The following CADM2 variants were observed in gnomAD, a reference collection of about 807,000 sequenced individuals.
CADM2 encodes the protein immunoglobulin superfamily member 4D.
CADM2 carries 12 observed loss-of-function variants against 49.8 expected under a neutral mutation model. The ratio of observed to expected loss-of-function variants is 0.24; its 90% CI spans 0.15 to 0.39. The LOEUF is 0.39. CADM2 is among the 10% of genes least tolerant of loss of function. The pLI is 1.00. For synonymous variants in CADM2, 214 were observed against 175.4 expected (o/e 1.22, Z -1.74); for missense variants, 378 against 492.3 (o/e 0.77, Z 2.20).
intron 1 of CADM2, among the ~76,000 whole-genome samples, chr3:84,980,203 G>C (rs1269135736): frequency 2.0e-5 from 3 of 152,166 alleles, no homozygotes; most frequent in Non-Finnish European, 1.5e-5. Flanking sequence ...GCCTGGCTTA[G>C]CTGCCAACAC....
At chr3:85,098,593 T>C (rs935955375) in intron 1 of CADM2, among the ~76,000 whole-genome samples, 1 of 152,138 alleles carries the variant, frequency 6.6e-6, no homozygotes, top group African/African-American at 2.4e-5. Context: ...TCTAGTTTTA[T>C]AAAAATTCTG....
At chr3:85,343,795 TCA>T (rs1374168941) in intron 1 of CADM2, among the ~76,000 whole-genome samples, 4 of 152,216 alleles carry the variant, frequency 2.6e-5, no homozygotes, top group Non-Finnish European at 5.9e-5. Context: ...AGCCGAACTT[TCA>T]CAGTGTTCTT....
At chr3:85,110,633 T>C (rs72905235) in intron 1 of CADM2, among the ~76,000 whole-genome samples, 3,338 of 151,994 alleles carry the variant, frequency 0.022, 117 homozygotes, top group African/African-American at 0.075. Flanking sequence ...AAAATAAAGA[T>C]ATATTTAAGG....
At chr3:85,559,928 C>A (rs2062051142) in intron 1 of CADM2, among the ~76,000 whole-genome samples, 1 of 152,040 alleles carries the variant, frequency 6.6e-6, no homozygotes, top group Admixed American at 6.6e-5. Context: ...TTGCTCTAAA[C>A]ACCTTTTAAT....
At chr3:85,902,835 G>A (rs1183944084) in intron 5 of CADM2, among the ~76,000 whole-genome samples, 2 of 151,490 alleles carry the variant, frequency 1.3e-5, no homozygotes, top group African/African-American at 2.4e-5. Context: ...CAATATAGCT[G>A]TTTGCTCTTT....
chr3:85,347,114 T>C (rs945883252), intron 1 of CADM2, among the ~76,000 whole-genome samples: 3 of 149,066 alleles, frequency 2.0e-5, no homozygotes, highest in African/African-American at 7.4e-5. Flanking sequence ...TCCGAGCTAC[T>C]CTGGAGGCTG....
At chr3:85,676,735 T>C (rs1414184364) in intron 1 of CADM2, among the ~76,000 whole-genome samples, 1 of 152,172 alleles carries the variant, frequency 6.6e-6, no homozygotes, top group African/African-American at 2.4e-5. Flanking sequence ...CTTTCCACCA[T>C]GTAAATACTG....
intron 1 of CADM2, among the ~76,000 whole-genome samples, chr3:85,100,928 T>A (rs2107544309): frequency 6.6e-6 from 1 of 152,188 alleles, no homozygotes; most frequent in African/African-American, 2.4e-5. Flanking sequence ...CTGCTGAACA[T>A]TAGGAAAAAT....
intron 1 of CADM2, among the ~76,000 whole-genome samples, chr3:85,058,951 T>C (rs1013509434): frequency 7.3e-5 from 11 of 151,626 alleles, no homozygotes; most frequent in Admixed American, 5.9e-4. Flanking sequence ...ACTAAAAATA[T>C]ATAGTATTCT....
chr3:85,139,831 T>G (rs945056897), intron 1 of CADM2, among the ~76,000 whole-genome samples: 1 of 152,142 alleles, frequency 6.6e-6, no homozygotes, highest in Non-Finnish European at 1.5e-5. Flanking sequence ...GGTAATTACA[T>G]TTACTACTTA....
intron 5 of CADM2, among the ~76,000 whole-genome samples, chr3:85,901,555 A>G (rs768479224): frequency 2.5e-4 from 38 of 152,148 alleles, no homozygotes; most frequent in Non-Finnish European, 5.0e-4. Flanking sequence ...TTTCTCTTCA[A>G]TCAGTAACTC....
intron 2 of CADM2, among the ~76,000 whole-genome samples, chr3:85,735,782 G>A (rs369449242): frequency 9.2e-5 from 14 of 152,056 alleles, no homozygotes; most frequent in Admixed American, 8.5e-4. Flanking sequence ...AAAACTGGAA[G>A]GACAAAGTTA....
chr3:85,068,296 C>A (rs1265662958), intron 1 of CADM2, among the ~76,000 whole-genome samples: 1 of 152,076 alleles, frequency 6.6e-6, no homozygotes, highest in African/African-American at 2.4e-5. Flanking sequence ...ATTTATCCAT[C>A]ATTTCCTCAA....
At chr3:85,507,282 T>A (rs1008671095) in intron 1 of CADM2, among the ~76,000 whole-genome samples, 1 of 150,072 alleles carries the variant, frequency 6.7e-6, no homozygotes, top group Non-Finnish European at 1.5e-5. Context: ...CTCCCTCCCA[T>A]GTTCAAACGA....
intron 1 of CADM2, among the ~76,000 whole-genome samples, chr3:85,088,877 C>T (rs2037485538): frequency 6.6e-6 from 1 of 152,040 alleles, no homozygotes; most frequent in Non-Finnish European, 1.5e-5. Context: ...TACATCGATG[C>T]TCTCAGCTGA....
At chr3:85,917,093 A>G (rs1718449283) in intron 6 of CADM2, among the ~76,000 whole-genome samples, 1 of 152,070 alleles carries the variant, frequency 6.6e-6, no homozygotes, top group African/African-American at 2.4e-5. Context: ...GTAGGCTGCA[A>G]AAATTTTCTT....
At chr3:85,827,656 A>G (rs2073983415) in intron 3 of CADM2, among the ~76,000 whole-genome samples, 1 of 152,012 alleles carries the variant, frequency 6.6e-6, no homozygotes, top group African/African-American at 2.4e-5. Flanking sequence ...CTGATTAGAA[A>G]AGTTCATGAG....
At chr3:85,898,084 C>G (rs1411314385) in intron 5 of CADM2, among the ~76,000 whole-genome samples, 1 of 152,032 alleles carries the variant, frequency 6.6e-6, no homozygotes, top group East Asian at 1.9e-4. Flanking sequence ...TCTGTGTGTG[C>G]GTGCACATAA....
intron 7 of CADM2, among the ~76,000 whole-genome samples, chr3:85,951,571 G>C (rs575966116): frequency 2.7e-5 from 4 of 150,794 alleles, no homozygotes; most frequent in African/African-American, 9.7e-5. Context: ...GCTCTGGGAC[G>C]GAGAAATGTG....
Sources: gnomAD v4.1 joint callset for allele counts (sites outside exome capture counted in the v4.1 genomes callset) on GRCh38, gnomAD v4.1.1 for gene constraint, MANE v1.5 for transcripts, NCBI Gene and HGNC (gene_info 2026-07-23, HGNC 2026-07-21) for gene names.